The following TCF23 variants were observed in gnomAD, a reference collection of about 807,000 sequenced individuals.
TCF23 encodes transcription factor 23.
A neutral mutation model predicts 13.0 loss-of-function variants in TCF23; 7 were observed. The observed-to-expected ratio is 0.54, with a 90% CI of 0.31 to 1.01. The LOEUF (loss-of-function observed/expected upper bound fraction) is 1.01. Among genes scored for constraint, TCF23 ranks in the 50% least tolerant of loss-of-function variants. The pLI, the probability that TCF23 is intolerant of heterozygous loss-of-function variation, is 0.06. For missense variants in TCF23, 257 were observed against 289.8 expected (o/e 0.89, Z 0.82); for synonymous variants, 122 against 119.5 (o/e 1.02, Z -0.14).
rs1189731885 is a variant in TCF23 at position 27,149,256 on chromosome 2, G to A, written c.123G>A (p.Arg41=). Reference sequence around the variant, plus strand: ...AGAGGAGCCGCCTCAGCAGGACAAGGCAGGACCCGTGGGAAGAAAGAAGCT... The same window carrying A: ...AGAGGAGCCGCCTCAGCAGGACAAGACAGGACCCGTGGGAAGAAAGAAGCT... ...DRKRSRLSRT[R]QDPWEERSWS... is the part of the protein sequence containing the mutation. The change falls in exon 1 of 3, where the codon AGG becomes AGA. Residue 41 remains arginine (R), a synonymous_variant. Coordinates refer to ENST00000296096, the MANE Select transcript of TCF23 (RefSeq NM_175769.3). 1.3e-6 allele frequency: 2 copies of A among 1,587,248 alleles called. No individual in the cohort carries two copies. The highest frequency in any genetic ancestry group is 1.7e-6 in the Non-Finnish European group (2 of 1,166,936).
At position 27,153,080 on chromosome 2, in the gene TCF23, T is replaced by A. The variant is rs1211431582; in HGVS notation, c.*213T>A. The A allele has an allele frequency of 8.6e-7, 1 of 1,167,418 alleles. No homozygotes were observed. Among genetic ancestry groups the A allele is most frequent in the Admixed American group, 3.3e-5 (1 of 30,378 alleles). The allele number at this position is 1,167,418 out of a possible 1,614,324, so 72.3% of individuals were successfully genotyped here. ...TCCTCCTTGGTCCCCAGGAGGGGACTTCCCCATGGCTCTTCTGTGACAGCT... is the reference window on the plus strand; with the variant it reads ...TCCTCCTTGGTCCCCAGGAGGGGACATCCCCATGGCTCTTCTGTGACAGCT... On this transcript the variant is annotated 3_prime_UTR_variant, in exon 3 of 3. Coordinates refer to ENST00000296096, the MANE Select transcript of TCF23 (RefSeq NM_175769.3).
chr2:27,149,807 A>C (rs1672731971), intron 1 of TCF23: 1 of 659,996 alleles, frequency 1.5e-6, no homozygotes, highest in Non-Finnish European at 2.9e-6. Context: ...CCTGATAAGC[A>C]GGATTCAGAT....
chr2:27,150,058 C>T lies in TCF23; in HGVS notation c.223-65C>T, dbSNP rs907473350. ...TCTGGTGGGAGACCTTGTGCTCAAA[C>T]GCTCTCAGAAGTCAGGGCAGTTGGG... On this transcript the variant is annotated intron_variant, in intron 1 of 2. Coordinates refer to ENST00000296096, the MANE Select transcript of TCF23 (RefSeq NM_175769.3). This position sits in a 1 kb window ranked among gnomAD's most constrained non-coding sequence, Gnocchi z 4.1. 3 of 1,552,968 alleles carry T rather than the reference C, an allele frequency of 1.9e-6. No homozygotes were observed. Among genetic ancestry groups the T allele is most frequent in the South Asian group, 2.4e-5 (2 of 84,306 alleles).
At position 27,150,692 on chromosome 2, in the gene TCF23, A is replaced by G. The variant is rs1005361164; in HGVS notation, c.465+327A>G. ...AGTCTGGGGCCTGGGAAAGGAAATT[A>G]TACCAAGGAGAGTCCTAGATCCCCA... On this transcript the variant is annotated intron_variant, in intron 2 of 2. Transcript: ENST00000296096. The surrounding 1 kb of genome is among the most constrained non-coding windows in gnomAD (Gnocchi z 4.1). 1.3e-5 allele frequency among the ~76,000 whole-genome samples: 2 copies of G among 152,106 alleles called. No individual in the cohort carries two copies. Among genetic ancestry groups the G allele is most frequent in the East Asian group, 1.9e-4 (1 of 5,182 alleles).
At position 27,149,330 on chromosome 2, in the gene TCF23, G is replaced by A; in HGVS notation, c.197G>A (p.Arg66Lys). 1 of 1,587,382 alleles carries A rather than the reference G, an allele frequency of 6.3e-7. No individual in the cohort carries two copies. The highest frequency in any genetic ancestry group is 8.6e-7 in the Non-Finnish European group (1 of 1,166,938). Residue 66 changes from arginine to lysine, a missense_variant, in exon 1 of 3, where the codon AGG becomes AAG. Arg to Lys is a conservative substitution (Grantham distance 26). Coordinates refer to ENST00000296096, the MANE Select transcript of TCF23 (RefSeq NM_175769.3). ...GCTACCCCTGGCCCTCGAGGGACCA[G>A]GGCTGGGGGCCTGGCTCTTGGCAGG... ...SRATPGPRGT[R>K]AGGLALGRSE...
In TCF23 at chr2:27,149,276, G is replaced by A. The variant is rs1374800060; in HGVS notation, c.143G>A (p.Arg48Lys). ...SRTRQDPWEE[R>K]SWSNQRWSRA... ...ACAAGGCAGGACCCGTGGGAAGAAA[G>A]AAGCTGGAGCAACCAGAGATGGAGC... Residue 48 changes from arginine (R) to lysine (K), a missense_variant, in exon 1 of 3, where the codon AGA (arginine) becomes AAA (lysine). Transcript: ENST00000296096. 6.3e-7 allele frequency: 1 copy of A among 1,596,122 alleles called. No homozygotes were observed. The highest frequency in any genetic ancestry group is 8.5e-7 in the Non-Finnish European group (1 of 1,171,536).
rs1168650879 is a variant in TCF23, at chr2:27,156,386, T to G, written c.*3519T>G. 3.4e-5 allele frequency: 5 copies of G among 149,234 alleles called. No individual in the cohort carries two copies. The highest frequency in any genetic ancestry group is 2.0e-4 in the East Asian group (1 of 5,050). 9.2% of individuals were successfully genotyped at this position (149,234 alleles called of 1,614,324 possible). ...GAGCTGGCCCAGTGATTTCTTTTTTTTTGTTTTTTGAGACAGAGTCTCACT... is the reference window on the plus strand; with the variant it reads ...GAGCTGGCCCAGTGATTTCTTTTTTGTTGTTTTTTGAGACAGAGTCTCACT... On this transcript the variant is annotated 3_prime_UTR_variant, in exon 3 of 3. Transcript: ENST00000296096.
At position 27,149,120 on chromosome 2, in the gene TCF23, C is replaced by T. The variant is rs1672717646; in HGVS notation, c.-14C>T. ...GTGTTTCTGCTCTGTGGGCTGCAGCCCCAGTGGGGTGGCATGTCACAGAGG... is the reference window on the plus strand; with the variant it reads ...GTGTTTCTGCTCTGTGGGCTGCAGCTCCAGTGGGGTGGCATGTCACAGAGG... On this transcript the variant is annotated 5_prime_UTR_variant, in exon 1 of 3. Transcript: ENST00000296096. 3 of 1,548,742 alleles carry T rather than the reference C, an allele frequency of 1.9e-6. No individual in the cohort carries two copies. The highest frequency in any genetic ancestry group is 1.4e-5 in the African/African-American group (1 of 72,974).
intron 1 of TCF23, among the ~76,000 whole-genome samples, chr2:27,149,557 A>T (rs562140177): frequency 6.6e-6 from 1 of 152,234 alleles, no homozygotes; most frequent in South Asian, 2.1e-4. Flanking sequence ...TGCAGCTCAG[A>T]GAGCTGCACT....
In TCF23 at chr2:27,153,038, G is replaced by A; in HGVS notation, c.*171G>A. On this transcript the variant is annotated 3_prime_UTR_variant, in exon 3 of 3. Coordinates refer to ENST00000296096, the MANE Select transcript of TCF23 (RefSeq NM_175769.3). ...TCTGTGATGGACAGTACCTAGAGGG[G>A]CACAGGTTGGAGAGCCTCCTCCTTG... The A allele has an allele frequency of 6.5e-6, 9 of 1,385,702 alleles. No homozygotes were observed. Among genetic ancestry groups the A allele is most frequent in the Non-Finnish European group, 8.4e-6 (9 of 1,069,266 alleles). 85.8% of individuals were successfully genotyped at this position (1,385,702 alleles called of 1,614,324 possible). A position where few individuals can be genotyped will look rare whatever the true frequency, so the allele number is the denominator to read the frequency against.
intron 2 of TCF23, among the ~76,000 whole-genome samples, chr2:27,151,754 G>T (rs1672763375): frequency 6.6e-6 from 1 of 151,746 alleles, no homozygotes. Flanking sequence ...TCCCACCTCA[G>T]CTTCCCCAGT....
intron 2 of TCF23, among the ~76,000 whole-genome samples, chr2:27,152,352 C>A (rs1178910345): frequency 6.6e-6 from 1 of 152,230 alleles, no homozygotes; most frequent in African/African-American, 2.4e-5. Context: ...TGGAGTTTTT[C>A]CTGGCTCTGC....
rs1672746471 is a variant in TCF23, at chr2:27,150,476, A to G, written c.465+111A>G. The stretch of plus-strand genomic sequence containing the variant: ...ACTTGGGCCCCCTGCCCTGTGCAGA[A>G]CTGACGTCGGAGCCAATTTCTCCTG... On this transcript the variant is annotated intron_variant, in intron 2 of 2. Transcript: ENST00000296096. This position sits in a 1 kb window ranked among gnomAD's most constrained non-coding sequence, Gnocchi z 4.1. 5 of 1,519,020 alleles carry G rather than the reference A, an allele frequency of 3.3e-6. No homozygotes were observed. The African/African-American group carries it at 4.1e-5, about 13-fold the overall frequency. 94.1% of individuals were successfully genotyped at this position (1,519,020 alleles called of 1,614,324 possible).
chr2:27,153,140 C>A lies in TCF23; in HGVS notation c.*273C>A. On this transcript the variant is annotated 3_prime_UTR_variant, in exon 3 of 3. Coordinates refer to ENST00000296096, the MANE Select transcript of TCF23 (RefSeq NM_175769.3). Reference sequence around the variant, plus strand: ...TGGGAGAGAAAGAGGTATAATTGGGCTCAAAGTTGAGGTAGGGAACCACCC... The same window carrying A: ...TGGGAGAGAAAGAGGTATAATTGGGATCAAAGTTGAGGTAGGGAACCACCC... 1 of 623,934 alleles carries A rather than the reference C, an allele frequency of 1.6e-6. No individual in the cohort carries two copies. Among genetic ancestry groups the A allele is most frequent in the Non-Finnish European group, 2.3e-6 (1 of 444,058 alleles). 38.6% of individuals were successfully genotyped at this position (623,934 alleles called of 1,614,324 possible).
Position 27,150,273 on chromosome 2 carries a change from A to G in TCF23, c.373A>G (p.Ile125Val). The G allele has an allele frequency of 1.2e-6, 2 of 1,613,802 alleles. No homozygotes were observed. Among genetic ancestry groups the G allele is most frequent in the East Asian group, 2.2e-5 (1 of 44,870 alleles). Residue 125 changes from isoleucine (I) to valine (V), a missense_variant, in exon 2 of 3, where the codon ATA (isoleucine) becomes GTA (valine). Transcript: ENST00000296096. The surrounding 1 kb of genome is among the most constrained non-coding windows in gnomAD (Gnocchi z 4.1). ...CGTGCTGGTGCTCGCCGCCAGCTAC[A>G]TAGCCCACCTCACCCGCACACTCGG... is the stretch of plus-strand genomic sequence containing the variant. ...LDVLVLAASY[I>V]AHLTRTLGHE...
At position 27,154,027 on chromosome 2, in the gene TCF23, C is replaced by T. The variant is rs1324970461; in HGVS notation, c.*1160C>T. 1.3e-5 allele frequency: 2 copies of T among 152,166 alleles called. No homozygotes were observed. Among genetic ancestry groups the T allele is most frequent in the South Asian group, 2.1e-4 (1 of 4,826 alleles). 9.4% of individuals were successfully genotyped at this position (152,166 alleles called of 1,614,324 possible). ...ATTGGCTCCTTGTAAAATTTGTGTT[C>T]GAGGCTTCCCTGGCTCTGGAGTTAT... On this transcript the variant is annotated 3_prime_UTR_variant, in exon 3 of 3. Coordinates refer to ENST00000296096, the MANE Select transcript of TCF23 (RefSeq NM_175769.3).
In TCF23 at chr2:27,150,498, C is replaced by T. The variant is rs1672747019; in HGVS notation, c.465+133C>T. ...AGAACTGACGTCGGAGCCAATTTCT[C>T]CTGCTGTCTCAGAGGGAGAGGAGCC... is the stretch of plus-strand genomic sequence containing the variant. On this transcript the variant is annotated intron_variant, in intron 2 of 2. Transcript: ENST00000296096. This position sits in a 1 kb window ranked among gnomAD's most constrained non-coding sequence, Gnocchi z 4.1. The T allele has an allele frequency of 6.9e-7, 1 of 1,459,780 alleles. No individual in the cohort carries two copies. The highest frequency in any genetic ancestry group is 1.4e-5 in the African/African-American group (1 of 71,154). The allele number at this position is 1,459,780 out of a possible 1,614,324, so 90.4% of individuals were successfully genotyped here.
rs755705240 is a variant in TCF23, at chr2:27,150,839, A to T, written c.465+474A>T. ...ATTCTAGAAGCAACCAAGCTGGGGG[A>T]GTTAGCAGGCAGCAGTACAGGGAAG... On this transcript the variant is annotated intron_variant, in intron 2 of 2. Transcript: ENST00000296096. This position sits in a 1 kb window ranked among gnomAD's most constrained non-coding sequence, Gnocchi z 4.1. Among the ~76,000 whole-genome samples, 27 of 152,088 alleles carry T rather than the reference A, an allele frequency of 1.8e-4. No homozygotes were observed. The highest frequency in any genetic ancestry group is 3.2e-4 in the Non-Finnish European group (22 of 68,004).
rs987613729 is a variant in TCF23 at position 27,155,033 on chromosome 2, A to C, written c.*2166A>C. 6.6e-6 allele frequency: 1 copy of C among 152,334 alleles called. No homozygotes were observed. Among genetic ancestry groups the C allele is most frequent in the Non-Finnish European group, 1.5e-5 (1 of 68,158 alleles). 9.4% of individuals were successfully genotyped at this position (152,334 alleles called of 1,614,324 possible). A position where few individuals can be genotyped will look rare whatever the true frequency, so the allele number is the denominator to read the frequency against. On this transcript the variant is annotated 3_prime_UTR_variant, in exon 3 of 3. Transcript: ENST00000296096. Reference sequence around the variant, plus strand: ...CCTGCTCAGACTCAGGCCTTTGCCTAGTAACATTAGAGCCCTCAGGGGTGA... The same window carrying C: ...CCTGCTCAGACTCAGGCCTTTGCCTCGTAACATTAGAGCCCTCAGGGGTGA...
Sources: allele counts gnomAD v4.1 joint callset (sites outside exome capture counted in the v4.1 genomes callset), GRCh38; gene constraint gnomAD v4.1.1; non-coding constraint Gnocchi (gnomAD v3.1); transcripts MANE v1.5; gene names NCBI Gene and HGNC (gene_info 2026-07-23, HGNC 2026-07-21).